Variants in CRKL observed in about 807,000 individuals in gnomAD.
CRKL encodes the protein crk-like protein.
CRKL carries 3 observed loss-of-function variants against 23.0 expected under a neutral mutation model. The ratio of observed to expected loss-of-function variants is 0.13; its 90% CI spans 0.06 to 0.34. CRKL has a LOEUF of 0.34. Among genes scored for constraint, CRKL ranks in the 10% least tolerant of loss-of-function variants. The pLI is 1.00. For missense variants in CRKL, 256 were observed against 394.5 expected (o/e 0.65, Z 2.97); for synonymous variants, 188 against 160.7 (o/e 1.17, Z -1.28).
intron 2 of CRKL, among the ~76,000 whole-genome samples, chr22:20,941,498 CAT>C (rs1921865643): frequency 1.4e-5 from 1 of 70,688 alleles, no homozygotes; most frequent in Non-Finnish European, 3.0e-5. Context: ...AAAATATATA[CAT>C]ATGTGTGTTT....
At chr22:20,918,960 A>ACCCCCCC (rs1929791948) in intron 1 of CRKL, among the ~76,000 whole-genome samples, 1 of 37,416 alleles carries the variant, frequency 2.7e-5, no homozygotes, top group African/African-American at 1.0e-4. Context: ...CCCCACCCCC[A>ACCCCCCC]CCCCCACCCC....
chr22:20,937,544 T>A (rs1921709789), intron 2 of CRKL, among the ~76,000 whole-genome samples: 1 of 150,394 alleles, frequency 6.6e-6, no homozygotes, highest in Admixed American at 6.7e-5. Context: ...ACAGAAGGGA[T>A]CACTTAGAGC....
At chr22:20,941,433 A>G (rs1312076900) in intron 2 of CRKL, among the ~76,000 whole-genome samples, 1 of 151,156 alleles carries the variant, frequency 6.6e-6, no homozygotes, top group Non-Finnish European at 1.5e-5. Flanking sequence ...CTTGACTATA[A>G]TACCATGCAA....
chr22:20,927,290 A>G (rs1428329299), intron 1 of CRKL, among the ~76,000 whole-genome samples: 2 of 137,432 alleles, frequency 1.5e-5, no homozygotes, highest in African/African-American at 5.5e-5. Flanking sequence ...TCCCGGGTTC[A>G]AGTGATTCTC....
In CRKL at chr22:20,919,907, G is replaced by T. The variant is rs550403709; in HGVS notation, c.311+1662G>T. ...CTACTGAACTAAATGGACTTTAAAA[G>T]TGGGGAGAAAGTGATTATAAATCAA... On this transcript the variant is annotated intron_variant, in intron 1 of 2. Transcript: ENST00000354336. Among the ~76,000 whole-genome samples, 14 of 151,884 alleles carry T rather than the reference G, an allele frequency of 9.2e-5. No homozygotes were observed. The South Asian group carries it at 2.9e-3, about 32-fold the overall frequency.
chr22:20,942,943 T>C (rs1814940195), intron 2 of CRKL, among the ~76,000 whole-genome samples: 1 of 152,090 alleles, frequency 6.6e-6, no homozygotes, highest in Non-Finnish European at 1.5e-5. Flanking sequence ...CAAACTATTT[T>C]CCATAGCAGC....
chr22:20,937,027 T>A (rs1021410250), intron 2 of CRKL, among the ~76,000 whole-genome samples: 1 of 151,964 alleles, frequency 6.6e-6, no homozygotes, highest in Non-Finnish European at 1.5e-5. Flanking sequence ...TACCCAACTG[T>A]TTTTAGTAGA....
At chr22:20,924,137 A>T (rs779364552) in intron 1 of CRKL, among the ~76,000 whole-genome samples, 1 of 152,198 alleles carries the variant, frequency 6.6e-6, no homozygotes, top group Non-Finnish European at 1.5e-5. Flanking sequence ...ACAGTGAGCT[A>T]TGATCATGCC....
chr22:20,922,787 C>G (rs949536084), intron 1 of CRKL, among the ~76,000 whole-genome samples: 6 of 152,126 alleles, frequency 3.9e-5, no homozygotes, highest in African/African-American at 1.4e-4. Flanking sequence ...ATTCTCCTGC[C>G]TCAGCCTCCC....
At chr22:20,922,529 TA>T (rs1921030493) in intron 1 of CRKL, among the ~76,000 whole-genome samples, 1 of 152,214 alleles carries the variant, frequency 6.6e-6, no homozygotes, top group East Asian at 1.9e-4. Flanking sequence ...TGGAGATGCC[TA>T]TTTTGGAGAT....
At position 20,946,012 on chromosome 22, in the gene CRKL, C is replaced by T. The variant is rs577216133; in HGVS notation, c.778-3699C>T. ...GTGCAGTCTTCAGAAAAACAGCATA[C>T]ATTCATGTATTTGCATACAACTTCG... On this transcript the variant is annotated intron_variant, in intron 2 of 2. Coordinates refer to ENST00000354336, the MANE Select transcript of CRKL (RefSeq NM_005207.4). Among the ~76,000 whole-genome samples, 3 of 152,328 alleles carry T rather than the reference C, an allele frequency of 2.0e-5. No individual in the cohort carries two copies. The South Asian group carries it at 6.2e-4, about 32-fold the overall frequency.
At chr22:20,927,221 C>T (rs754958029) in intron 1 of CRKL, among the ~76,000 whole-genome samples, 15 of 64,772 alleles carry the variant, frequency 2.3e-4, no homozygotes, top group African/African-American at 9.6e-4. Flanking sequence ...GAGACAGTGT[C>T]GCTCTGTCGC....
chr22:20,936,665 T>C (rs1341430746), intron 2 of CRKL, among the ~76,000 whole-genome samples: 1 of 152,064 alleles, frequency 6.6e-6, no homozygotes, highest in African/African-American at 2.4e-5. Context: ...AGTTTTTCTT[T>C]GGACCAGTAG....
intron 2 of CRKL, among the ~76,000 whole-genome samples, chr22:20,946,539 A>G (rs942709385): frequency 1.5e-4 from 23 of 152,116 alleles, no homozygotes; most frequent in African/African-American, 5.6e-4. Context: ...TGCATTAGGT[A>G]TGTGCTTCCT....
At chr22:20,924,938 C>T (rs1921140727) in intron 1 of CRKL, among the ~76,000 whole-genome samples, 1 of 152,132 alleles carries the variant, frequency 6.6e-6, no homozygotes, top group African/African-American at 2.4e-5. Flanking sequence ...GCCTGTAATC[C>T]CAGCACTGTG....
intron 2 of CRKL, among the ~76,000 whole-genome samples, chr22:20,947,675 C>CTTTTTTT (rs1491297940): frequency 5.8e-5 from 5 of 86,040 alleles, no homozygotes; most frequent in Admixed American, 1.5e-4. Flanking sequence ...TTCTTTTTTT[C>CTTTTTTT]ATTTTTTTTT....
At chr22:20,939,516 G>A (rs970589364) in intron 2 of CRKL, among the ~76,000 whole-genome samples, 4 of 152,046 alleles carry the variant, frequency 2.6e-5, no homozygotes, top group African/African-American at 9.7e-5. Flanking sequence ...AAAATGCTGG[G>A]ATTACAGGCG....
At chr22:20,922,099 GC>G (rs1225353519) in intron 1 of CRKL, among the ~76,000 whole-genome samples, 2 of 141,720 alleles carry the variant, frequency 1.4e-5, no homozygotes, top group Non-Finnish European at 3.0e-5. Flanking sequence ...TGCAACCTCT[GC>G]CTCCCAGGTT....
intron 2 of CRKL, among the ~76,000 whole-genome samples, chr22:20,941,987 G>C (rs183936919): frequency 2.2e-3 from 333 of 152,254 alleles, no homozygotes; most frequent in Non-Finnish European, 3.8e-3. Context: ...TCTGTTTTCT[G>C]TGATAGCTGT....
Sources: allele counts gnomAD v4.1 joint callset (sites outside exome capture counted in the v4.1 genomes callset), GRCh38; gene constraint gnomAD v4.1.1; transcripts MANE v1.5; gene names NCBI Gene and HGNC (gene_info 2026-07-23, HGNC 2026-07-21).